TMEM131: variants seen among roughly 807,000 people sequenced by gnomAD.
The protein encoded by TMEM131 is 2610524E03Rik.
Under a neutral mutation model 211.6 loss-of-function variants are expected in TMEM131, and 66 were observed. The observed-to-expected ratio is 0.31, with a 90% CI of 0.26 to 0.38. The LOEUF is 0.38. Among genes scored for constraint, TMEM131 ranks in the 10% least tolerant of loss-of-function variants. The probability of loss-of-function intolerance (pLI) is 1.00; values close to 1 mark genes in which losing one functional copy is unlikely to be tolerated. For missense variants in TMEM131, 2,036 were observed against 2,299.3 expected, an observed-to-expected ratio of 0.89 and a Z score of 2.34; for synonymous variants, 844 against 841.3, an observed-to-expected ratio of 1.00 and a Z score of -0.06.
intron 1 of TMEM131, among the ~76,000 whole-genome samples, chr2:97,989,303 T>C (rs1395918421): frequency 6.6e-6 from 1 of 150,578 alleles, no homozygotes; most frequent in East Asian, 1.9e-4. Flanking sequence ...GAAGGAACTG[T>C]CACATCCTAC....
In TMEM131 at chr2:97,872,469, T is replaced by C. The variant is rs556253206; in HGVS notation, c.360-13042A>G. On this transcript the variant is annotated intron_variant, in intron 4 of 40. Transcript: ENST00000186436. The stretch of plus-strand genomic sequence containing the variant: ...GCTCCCCAACCGCAATAAAAACCAA[T>C]TGCTGGCAAGATGGCCGAACAGGAA... 1.3e-4 allele frequency among the ~76,000 whole-genome samples: 20 copies of C among 152,096 alleles called. No homozygotes were observed. The South Asian group carries it at 3.5e-3, about 27-fold the overall frequency.
At chr2:97,886,250 C>A (rs560814137) in intron 4 of TMEM131, among the ~76,000 whole-genome samples, 33 of 152,066 alleles carry the variant, frequency 2.2e-4, no homozygotes, top group Non-Finnish European at 4.1e-4. Context: ...CTTTCTCTAG[C>A]ATTTAGTATA....
chr2:97,874,088 A>C (rs1365493420), intron 4 of TMEM131, among the ~76,000 whole-genome samples: 1 of 152,244 alleles, frequency 6.6e-6, no homozygotes, highest in Non-Finnish European at 1.5e-5. Context: ...CACAAGTTTC[A>C]ACAGCCGAAT....
chr2:97,829,575 G>A (rs991539593), intron 11 of TMEM131, among the ~76,000 whole-genome samples: 20 of 152,156 alleles, frequency 1.3e-4, no homozygotes, highest in Admixed American at 6.5e-4. Flanking sequence ...GCCAAATAAC[G>A]GAATAAAAGC....
intron 2 of TMEM131, among the ~76,000 whole-genome samples, chr2:97,911,854 A>G (rs2104383233): frequency 6.6e-6 from 1 of 152,322 alleles, no homozygotes; most frequent in Non-Finnish European, 1.5e-5. Context: ...TTCTGAAGCA[A>G]TTTGAGAAAT....
chr2:97,851,316 C>T (rs1307971100), intron 5 of TMEM131, among the ~76,000 whole-genome samples: 1 of 152,050 alleles, frequency 6.6e-6, no homozygotes, highest in African/African-American at 2.4e-5. Context: ...CCCGTTCTAC[C>T]CTCTGCCTTC....
chr2:97,862,257 G>C (rs930277068), intron 4 of TMEM131, among the ~76,000 whole-genome samples: 1 of 152,142 alleles, frequency 6.6e-6, no homozygotes, highest in African/African-American at 2.4e-5. Flanking sequence ...CCAAGAAGAA[G>C]GGGTACAAAC....
chr2:97,980,312 C>T (rs1679730141), intron 1 of TMEM131, among the ~76,000 whole-genome samples: 1 of 152,128 alleles, frequency 6.6e-6, no homozygotes, highest in Admixed American at 6.5e-5. Context: ...TGCCACAAAC[C>T]TTCCATTTGT....
intron 2 of TMEM131, among the ~76,000 whole-genome samples, chr2:97,914,317 T>C (rs1676414520): frequency 6.6e-6 from 1 of 152,234 alleles, no homozygotes; most frequent in African/African-American, 2.4e-5. Flanking sequence ...CTGCAAACAC[T>C]ATGGCATAAC....
At chr2:97,823,581 C>G (rs1216349396) in intron 11 of TMEM131, among the ~76,000 whole-genome samples, 2 of 152,146 alleles carry the variant, frequency 1.3e-5, no homozygotes, top group Non-Finnish European at 2.9e-5. Flanking sequence ...GGGACAAATT[C>G]CCTACCGGTC....
intron 1 of TMEM131, among the ~76,000 whole-genome samples, chr2:97,944,008 G>A (rs560042542): frequency 4.6e-5 from 7 of 152,246 alleles, no homozygotes; most frequent in African/African-American, 1.4e-4. Context: ...CTTGAACCTG[G>A]GAGGCAGAGG....
At chr2:97,864,786 A>G (rs1457311444) in intron 4 of TMEM131, among the ~76,000 whole-genome samples, 2 of 152,214 alleles carry the variant, frequency 1.3e-5, no homozygotes, top group African/African-American at 4.8e-5. Flanking sequence ...TGAGCTGACA[A>G]CGAGAGGCTA....
At chr2:97,947,646 G>A (rs909634153) in intron 1 of TMEM131, among the ~76,000 whole-genome samples, 1 of 152,074 alleles carries the variant, frequency 6.6e-6, no homozygotes, top group African/African-American at 2.4e-5. Context: ...GATCTAGACA[G>A]TCAATACAAT....
At chr2:97,837,543 A>G (rs1430786511) in intron 7 of TMEM131, among the ~76,000 whole-genome samples, 2 of 152,208 alleles carry the variant, frequency 1.3e-5, no homozygotes, top group African/African-American at 2.4e-5. Context: ...TTATCCATAC[A>G]TTTATAACAA....
intron 36 of TMEM131, chr2:97,761,451 G>A (rs1678845117): frequency 1.9e-5 from 3 of 159,206 alleles, no homozygotes; most frequent in Admixed American, 1.2e-4. Flanking sequence ...CACGGTGAGA[G>A]TGCCATCCGT....
intron 1 of TMEM131, among the ~76,000 whole-genome samples, chr2:97,948,677 A>T (rs1678161204): frequency 6.6e-6 from 1 of 151,626 alleles, no homozygotes; most frequent in Admixed American, 6.6e-5. Flanking sequence ...ATTTTTTTTG[A>T]GACGGAGCCT....
At chr2:97,758,791 T>G in intron 40 of TMEM131, 102 bp downstream of exon 40, 2 of 1,444,884 alleles carry the variant, frequency 1.4e-6, no homozygotes, top group Non-Finnish European at 1.9e-6. Context: ...GATGCTGCTG[T>G]TTGTTGTTTA....
chr2:97,875,097 C>A (rs1011216707), intron 4 of TMEM131, among the ~76,000 whole-genome samples: 4 of 152,048 alleles, frequency 2.6e-5, no homozygotes, highest in Admixed American at 6.6e-5. Flanking sequence ...TTTAAACCAA[C>A]AAAGATCAAA....
intron 5 of TMEM131, among the ~76,000 whole-genome samples, chr2:97,851,787 T>C (rs146754901): frequency 1.6e-4 from 24 of 152,344 alleles, no homozygotes; most frequent in African/African-American, 5.8e-4. Context: ...CACCAACTGC[T>C]GTTCTCCCAA....
Sources: allele counts gnomAD v4.1 joint callset (sites outside exome capture counted in the v4.1 genomes callset), GRCh38; gene constraint gnomAD v4.1.1; transcripts MANE v1.5; gene names NCBI Gene and HGNC (gene_info 2026-07-23, HGNC 2026-07-21).